ROBO3: variants seen among roughly 807,000 people sequenced by gnomAD.
ROBO3 encodes roundabout homolog 3.
A neutral mutation model predicts 160.5 loss-of-function variants in ROBO3; 97 were observed. That is an observed-to-expected ratio of 0.60 (90% CI 0.51 to 0.72). The LOEUF is 0.72. Ranked by LOEUF, ROBO3 falls within the 30% of genes least tolerant of loss-of-function variation. The probability of loss-of-function intolerance (pLI) is 0.00; values close to 1 mark genes in which losing one functional copy is unlikely to be tolerated. For missense variants in ROBO3, 1,858 were observed against 1,846.5 expected (o/e 1.01, Z -0.11); for synonymous variants, 780 against 746.2 (o/e 1.05, Z -0.74).
At position 124,869,181 on chromosome 11, in the gene ROBO3, G is replaced by A; in HGVS notation, c.487+53G>A. 1 of 1,480,366 alleles carries A rather than the reference G, an allele frequency of 6.8e-7. No individual in the cohort carries two copies. Among genetic ancestry groups the A allele is most frequent in the Non-Finnish European group, 9.1e-7 (1 of 1,104,060 alleles). The allele number at this position is 1,480,366 out of a possible 1,614,324, so 91.7% of individuals were successfully genotyped here. ...TGCTTCCAGAGCCTGGGGTAGGCGG[G>A]AGGGCACTGGGCAATCAGACCCAGA... On this transcript the variant is annotated intron_variant, in intron 2 of 27. Coordinates refer to ENST00000397801, the MANE Select transcript of ROBO3 (RefSeq NM_022370.4). The surrounding 1 kb of genome is among the most constrained non-coding windows in gnomAD (Gnocchi z 4.2).
intron 26 of ROBO3, 147 bp downstream of exon 26, chr11:124,880,095 C>G: frequency 1.1e-6 from 1 of 899,674 alleles, no homozygotes; most frequent in Non-Finnish European, 1.6e-6. Flanking sequence ...CTCTCTAACT[C>G]TCTGAGCACA....
At chr11:124,877,426 C>T (rs1946415425) in intron 19 of ROBO3, 93 bp from the exon 20 acceptor site, 7 of 1,592,620 alleles carry the variant, frequency 4.4e-6, no homozygotes, top group Non-Finnish European at 6.0e-6. Flanking sequence ...ACACCACCGC[C>T]ACTGTCCTGA....
chr11:124,877,026 C>G (rs1203912686), intron 17 of ROBO3, 135 bp from the exon 18 acceptor site: 1 of 994,424 alleles, frequency 1.0e-6, no homozygotes, highest in Non-Finnish European at 1.6e-6. Flanking sequence ...CCGAGAAATT[C>G]TGATGAAATG....
In ROBO3 at chr11:124,876,626, A is replaced by C. The variant is rs933818146; in HGVS notation, c.2779+166A>C. The C allele has an allele frequency of 1.8e-6, 1 of 550,546 alleles. No homozygotes were observed. Among genetic ancestry groups the C allele is most frequent in the Non-Finnish European group, 2.9e-6 (1 of 343,704 alleles). The allele number at this position is 550,546 out of a possible 1,614,324, so 34.1% of individuals were successfully genotyped here. A position where few individuals can be genotyped will look rare whatever the true frequency, so the allele number is the denominator to read the frequency against. On this transcript the variant is annotated intron_variant, in intron 17 of 27. Coordinates refer to ENST00000397801, the MANE Select transcript of ROBO3 (RefSeq NM_022370.4). The surrounding 1 kb of genome is among the most constrained non-coding windows in gnomAD (Gnocchi z 5.3). ...GCGGGATACGTGGGGCGACTCGAGG[A>C]GCTGCCAGGACTAGGGAGGGCTGCG...
intron 15 of ROBO3, 35 bp from the exon 16 acceptor site, chr11:124,875,919 T>C: frequency 6.3e-7 from 1 of 1,575,330 alleles, no homozygotes; most frequent in Non-Finnish European, 8.6e-7. Flanking sequence ...AAGAATCCCA[T>C]TTCTGACTCT....
intron 17 of ROBO3, 48 bp from the exon 18 acceptor site, chr11:124,877,113 T>C: frequency 6.2e-7 from 1 of 1,607,078 alleles, no homozygotes; most frequent in Non-Finnish European, 8.5e-7. Context: ...TTTCTGACCC[T>C]TCTCCTCATT....
chr11:124,865,736 C>A lies in ROBO3; in HGVS notation c.159C>A (p.Asn53Lys), dbSNP rs963490638. The A allele has an allele frequency of 3.1e-6, 5 of 1,605,868 alleles. No individual in the cohort carries two copies. The East Asian group carries it at 8.9e-5, about 29-fold the overall frequency. Residue 53 changes from asparagine to lysine, a missense_variant and splice_region_variant, in exon 1 of 28, where the codon AAC (asparagine) becomes AAA (lysine). By Grantham distance (94) the Asn-to-Lys change is moderately conservative. Coordinates refer to ENST00000397801, the MANE Select transcript of ROBO3 (RefSeq NM_022370.4). This position sits in a 1 kb window ranked among gnomAD's most constrained non-coding sequence, Gnocchi z 5.5. ...TLLPPGDPSL[N>K]GSRVGPEDAM... ...TGCCTCCCGGCGATCCCTCTCTCAACGGTGAGACCCTGCCTCTTGGGGATA... is the reference window on the plus strand; with the variant it reads ...TGCCTCCCGGCGATCCCTCTCTCAAAGGTGAGACCCTGCCTCTTGGGGATA...
Position 124,867,671 on chromosome 11 carries a change from C to T in ROBO3, c.161-1131C>T, listed in dbSNP as rs564683426. ...ACAGCGCCAGCACGGGTCAGCCTGT[C>T]CAGCTTTGTCTACAACAGAACTTCT... On this transcript the variant is annotated intron_variant, in intron 1 of 27. Transcript: ENST00000397801. Among the ~76,000 whole-genome samples the T allele has an allele frequency of 2.8e-4, 42 of 152,116 alleles. 3 individuals carry two copies. The Middle Eastern group carries it at 0.01, about 37-fold the overall frequency.
In ROBO3 at chr11:124,874,112, G is replaced by A. The variant is rs761173650; in HGVS notation, c.1827G>A (p.Val609=). The change falls in exon 12 of 28, where the codon GTG becomes GTA. Residue 609 remains valine, a synonymous_variant. Transcript: ENST00000397801. ...CATGGCGTACTGTGGCAGATGGCGT[G>A]CAGCTGGAGACACACACAGTCAGCG... The part of the protein sequence containing the change: ...GNTWRTVADG[V]QLETHTVSGL... 2 of 1,614,004 alleles carry A rather than the reference G, an allele frequency of 1.2e-6. No individual in the cohort carries two copies. The highest frequency in any genetic ancestry group is 8.5e-7 in the Non-Finnish European group (1 of 1,179,898).
In ROBO3 at chr11:124,865,446, C is replaced by T; in HGVS notation, c.-132C>T. The T allele has an allele frequency of 1.1e-6, 1 of 870,442 alleles. No homozygotes were observed. The highest frequency in any genetic ancestry group is 1.7e-5 in the South Asian group (1 of 58,242). The allele number at this position is 870,442 out of a possible 1,614,324, so 53.9% of individuals were successfully genotyped here. ...AGGCACCGACCGTACCCAGGCGCAC[C>T]GGCAGGAGAGCGGCACCGTGGCTGC... is the stretch of plus-strand genomic sequence containing the variant. On this transcript the variant is annotated 5_prime_UTR_variant, in exon 1 of 28. Transcript: ENST00000397801. This position sits in a 1 kb window ranked among gnomAD's most constrained non-coding sequence, Gnocchi z 5.5.
In ROBO3 at chr11:124,871,076, T is replaced by C; in HGVS notation, c.1096T>C (p.Phe366Leu). The change falls in exon 7 of 28, where the codon TTC (phenylalanine) becomes CTC (leucine). Residue 366 changes from phenylalanine (F) to leucine (L), a missense_variant. Physicochemically the swap from Phe to Leu is conservative, Grantham distance 22 (BLOSUM62 0). Transcript: ENST00000397801. ...GGCAGCTCCTGGAGAGAGCGTGGCTTTCCAGTGCGAGACCAAAGGAAACCC... is the reference window on the plus strand; with the variant it reads ...GGCAGCTCCTGGAGAGAGCGTGGCTCTCCAGTGCGAGACCAAAGGAAACCC... ...QMAAPGESVA[F>L]QCETKGNPPP... 6.2e-7 allele frequency: 1 copy of C among 1,613,764 alleles called. No homozygotes were observed. Among genetic ancestry groups the C allele is most frequent in the Non-Finnish European group, 8.5e-7 (1 of 1,179,710 alleles).
chr11:124,875,047 T>C, intron 13 of ROBO3, 64 bp from the exon 14 acceptor site: 1 of 1,511,080 alleles, frequency 6.6e-7, no homozygotes, highest in South Asian at 1.3e-5. Context: ...TGGGCCTGGA[T>C]GGCCTGGAGG....
In ROBO3 at chr11:124,878,142, A is replaced by G; in HGVS notation, c.3181+11A>G. ...GCCAGGGGGACAGTGGTATGACTCC[A>G]ACTCCTGAAACCCCGTTTAGCCCTG... is the stretch of plus-strand genomic sequence containing the variant. On this transcript the variant is annotated intron_variant, in intron 21 of 27. Coordinates refer to ENST00000397801, the MANE Select transcript of ROBO3 (RefSeq NM_022370.4). The surrounding 1 kb of genome is among the most constrained non-coding windows in gnomAD (Gnocchi z 4.3). 1.9e-6 allele frequency: 3 copies of G among 1,595,934 alleles called. No individual in the cohort carries two copies. In the South Asian group the frequency reaches 3.4e-5, roughly 18 times the overall value.
rs201504479 is a variant in ROBO3, at chr11:124,877,179, C to T, written c.2798C>T (p.Pro933Leu). ...CTGGAAGCCTCTTTTGCCTACACAC[C>T]GGCAGGTAAGCCATCTCTGCCCCAG... Reference protein sequence around the residue: ...SHYTASFAYTPAVSFPHSEGL... With the variant: ...SHYTASFAYTLAVSFPHSEGL... Residue 933 changes from proline (P) to leucine (L), a missense_variant, in exon 18 of 28, where the codon CCG becomes CTG. Coordinates refer to ENST00000397801, the MANE Select transcript of ROBO3 (RefSeq NM_022370.4). 6.2e-7 allele frequency: 1 copy of T among 1,613,970 alleles called. No homozygotes were observed.
In ROBO3 at chr11:124,871,069, C is replaced by T. The variant is rs770920293; in HGVS notation, c.1089C>T (p.Ser363=). The T allele has an allele frequency of 1.5e-5, 24 of 1,613,668 alleles. No individual in the cohort carries two copies. The highest frequency in any genetic ancestry group is 1.6e-4 in the Middle Eastern group (1 of 6,082). ...PQDQMAAPGE[S]VAFQCETKGN... The stretch of plus-strand genomic sequence containing the variant: ...ACCAGATGGCAGCTCCTGGAGAGAG[C>T]GTGGCTTTCCAGTGCGAGACCAAAG... The change falls in exon 7 of 28, where the codon AGC becomes AGT. Residue 363 remains serine, a synonymous_variant. Coordinates refer to ENST00000397801, the MANE Select transcript of ROBO3 (RefSeq NM_022370.4).
At position 124,869,429 on chromosome 11, in the gene ROBO3, G is replaced by GCCCCCCCCCCCCCCCCCCCCC. The variant is rs34127060; in HGVS notation, c.488-15_488-14insCCCCCCCCCCCCCCCCCCCCC. 35 of 1,301,828 alleles carry GCCCCCCCCCCCCCCCCCCCCC rather than the reference G, an allele frequency of 2.7e-5. No individual in the cohort carries two copies. Among genetic ancestry groups the GCCCCCCCCCCCCCCCCCCCCC allele is most frequent in the South Asian group, 1.4e-4 (11 of 79,926 alleles). 80.6% of individuals were successfully genotyped at this position (1,301,828 alleles called of 1,614,324 possible). On this transcript the variant is annotated intron_variant, in intron 2 of 27. Transcript: ENST00000397801. This position sits in a 1 kb window ranked among gnomAD's most constrained non-coding sequence, Gnocchi z 4.2. ...TGTCACTCTACACCCTGCTTATTTC[G>GCCCCCCCCCCCCCCCCCCCCC]CCCCCCACCGCCCCGCCCAGTCCTC...
At position 124,873,600 on chromosome 11, in the gene ROBO3, G is replaced by T. The variant is rs1591512669; in HGVS notation, c.1619-97G>T. 3 of 1,216,864 alleles carry T rather than the reference G, an allele frequency of 2.5e-6. No homozygotes were observed. Among genetic ancestry groups the T allele is most frequent in the East Asian group, 4.9e-5 (2 of 40,788 alleles). The allele number at this position is 1,216,864 out of a possible 1,614,324, so 75.4% of individuals were successfully genotyped here. On this transcript the variant is annotated intron_variant, in intron 10 of 27. Transcript: ENST00000397801. This position sits in a 1 kb window ranked among gnomAD's most constrained non-coding sequence, Gnocchi z 4.5. ...ACTATAGCCCACTCTGACCATCACC[G>T]CAGCTCAGAGCTCCATAGCTCCCCT...
At position 124,879,489 on chromosome 11, in the gene ROBO3, A is replaced by C. The variant is rs1477855338; in HGVS notation, c.3710A>C (p.Glu1237Ala). ...APGRTWQGNG[E>A]MTPPLQGPRA... ...GGCAGAACCTGGCAGGGGAATGGGGAGATGACTCCCCCACTTCAAGGACCC... is the reference window on the plus strand; with the variant it reads ...GGCAGAACCTGGCAGGGGAATGGGGCGATGACTCCCCCACTTCAAGGACCC... Residue 1237 changes from glutamate (E) to alanine (A), a missense_variant, in exon 25 of 28, where the codon GAG becomes GCG. Glu to Ala is a moderately radical substitution (Grantham distance 107). Transcript: ENST00000397801. 6.2e-7 allele frequency: 1 copy of C among 1,613,752 alleles called. No homozygotes were observed. The highest frequency in any genetic ancestry group is 1.1e-5 in the South Asian group (1 of 91,044).
rs879660354 is a variant in ROBO3, at chr11:124,873,151, C to A, written c.1536+62C>A. The A allele has an allele frequency of 1.4e-5, 21 of 1,525,342 alleles. No individual in the cohort carries two copies. The highest frequency in any genetic ancestry group is 1.8e-5 in the Non-Finnish European group (20 of 1,110,188). The allele number at this position is 1,525,342 out of a possible 1,614,324, so 94.5% of individuals were successfully genotyped here. A position where few individuals can be genotyped will look rare whatever the true frequency, so the allele number is the denominator to read the frequency against. ...GGCTATCTGCTCCACGTTCCTTACA[C>A]AAGTAAGTACTCACTGGGCCTGTAG... On this transcript the variant is annotated intron_variant, in intron 9 of 27. Coordinates refer to ENST00000397801, the MANE Select transcript of ROBO3 (RefSeq NM_022370.4). This position sits in a 1 kb window ranked among gnomAD's most constrained non-coding sequence, Gnocchi z 4.5.
Sources: gnomAD v4.1 joint callset for allele counts (sites outside exome capture counted in the v4.1 genomes callset) on GRCh38, gnomAD v4.1.1 for gene constraint, Gnocchi (gnomAD v3.1) non-coding constraint, MANE v1.5 for transcripts, NCBI Gene and HGNC (gene_info 2026-07-23, HGNC 2026-07-21) for gene names.